Variants in MITF observed in about 807,000 individuals in gnomAD.
MITF encodes melanocyte inducing transcription factor.
A neutral mutation model predicts 60.5 loss-of-function variants in MITF; 17 were observed. The observed-to-expected ratio is 0.28, with a 90% CI of 0.19 to 0.42. The LOEUF (loss-of-function observed/expected upper bound fraction) is 0.42. MITF is among the 10% of genes least tolerant of loss of function. The pLI is 1.00. For synonymous variants in MITF, 260 were observed against 248.5 expected, an observed-to-expected ratio of 1.05 and a Z score of -0.43; for missense variants, 622 against 683.5, an observed-to-expected ratio of 0.91 and a Z score of 1.00.
In MITF at chr3:69,934,536, A is replaced by G. The variant is rs79725452; in HGVS notation, c.355-3286A>G. On this transcript the variant is annotated intron_variant, in intron 2 of 9. Coordinates refer to ENST00000352241, the MANE Select transcript of MITF (RefSeq NM_001354604.2). ...TGATCTCATTTAATGCAGAAAACAC[A>G]CATATGAGGCAAGCTCTACTGTCAT... is the stretch of plus-strand genomic sequence containing the variant. Among the ~76,000 whole-genome samples, 9 of 152,338 alleles carry G rather than the reference A, an allele frequency of 5.9e-5. No individual in the cohort carries two copies. The East Asian group carries it at 1.7e-3, about 29-fold the overall frequency.
chr3:69,763,595 C>G, intron 1 of MITF: 1 of 1,202,566 alleles, frequency 8.3e-7, no homozygotes, highest in Non-Finnish European at 1.0e-6. Flanking sequence ...TGCACGTAAG[C>G]GTGTGGCAGA....
chr3:69,760,834 AT>A (rs2062201266), intron 1 of MITF, among the ~76,000 whole-genome samples: 3 of 152,160 alleles, frequency 2.0e-5, no homozygotes, highest in Admixed American at 1.3e-4. Flanking sequence ...AAAGGTGATG[AT>A]TTTGACTTTT....
chr3:69,941,171 C>T (rs1168405693), intron 4 of MITF, 65 bp from the exon 5 acceptor site: 1 of 1,075,640 alleles, frequency 9.3e-7, no homozygotes, highest in East Asian at 2.4e-5. Flanking sequence ...CCATGAGTCT[C>T]TTTTTAGGTT....
chr3:69,866,508 C>G (rs1407699917), intron 1 of MITF, among the ~76,000 whole-genome samples: 3 of 115,684 alleles, frequency 2.6e-5, no homozygotes, highest in African/African-American at 6.8e-5. Context: ...GCTGTAACCT[C>G]TGGTAGGTGG....
At chr3:69,827,333 A>G (rs2063372265) in intron 1 of MITF, among the ~76,000 whole-genome samples, 1 of 152,246 alleles carries the variant, frequency 6.6e-6, no homozygotes. Flanking sequence ...TTGCTGCATT[A>G]ACAAAGGACT....
intron 1 of MITF, among the ~76,000 whole-genome samples, chr3:69,853,401 T>G (rs749345435): frequency 1.3e-5 from 2 of 152,198 alleles, no homozygotes; most frequent in Non-Finnish European, 2.9e-5. Context: ...ATCCATTTCT[T>G]TACTTCCCTA....
chr3:69,951,963 G>T (rs536224547), intron 7 of MITF, 77 bp downstream of exon 7: 1 of 1,081,984 alleles, frequency 9.2e-7, no homozygotes, highest in East Asian at 2.5e-5. Context: ...CAGAAATTCT[G>T]TAGAGGAGAG....
intron 6 of MITF, among the ~76,000 whole-genome samples, chr3:69,951,313 C>T (rs1047203465): frequency 6.6e-6 from 1 of 151,822 alleles, no homozygotes; most frequent in African/African-American, 2.4e-5. Context: ...CTCCTGGGCT[C>T]AAGTGATCTT....
At chr3:69,859,814 A>G (rs1397356687) in intron 1 of MITF, among the ~76,000 whole-genome samples, 1 of 152,030 alleles carries the variant, frequency 6.6e-6, no homozygotes, top group Non-Finnish European at 1.5e-5. Flanking sequence ...ATATGTCCAC[A>G]TTTTTCTTTT....
At chr3:69,786,596 T>C (rs918966905) in intron 1 of MITF, among the ~76,000 whole-genome samples, 4 of 152,174 alleles carry the variant, frequency 2.6e-5, no homozygotes, top group African/African-American at 9.7e-5. Context: ...CAAGTTCTTA[T>C]GGGTTGCACC....
intron 1 of MITF, among the ~76,000 whole-genome samples, chr3:69,847,143 A>G (rs908999360): frequency 6.6e-6 from 1 of 152,170 alleles, no homozygotes; most frequent in African/African-American, 2.4e-5. Flanking sequence ...GGACAGCGGG[A>G]AGCAGACTAA....
chr3:69,845,442 C>CTTTTTTTTTTTTTCTTTTT (rs2063714428), intron 1 of MITF, among the ~76,000 whole-genome samples: 1 of 136,810 alleles, frequency 7.3e-6, no homozygotes, highest in Non-Finnish European at 1.5e-5. Context: ...TTTTTTCTTT[C>CTTTTTTTTTTTTTCTTTTT]TTTTTTTTTT....
intron 2 of MITF, among the ~76,000 whole-genome samples, chr3:69,882,157 A>G (rs890359334): frequency 6.6e-6 from 1 of 152,166 alleles, no homozygotes; most frequent in Admixed American, 6.6e-5. Context: ...ATGAAGCTTT[A>G]TAAAGCATGT....
At chr3:69,905,716 T>G (rs1374906197) in intron 2 of MITF, among the ~76,000 whole-genome samples, 2 of 146,734 alleles carry the variant, frequency 1.4e-5, no homozygotes, top group African/African-American at 5.1e-5. Context: ...TCATTGTGTG[T>G]TTTTTTTTAA....
At chr3:69,919,889 A>C (rs1055762966) in intron 2 of MITF, among the ~76,000 whole-genome samples, 2 of 152,156 alleles carry the variant, frequency 1.3e-5, no homozygotes, top group African/African-American at 2.4e-5. Flanking sequence ...TGTGGGCAGC[A>C]AGCCACCCAG....
In MITF at chr3:69,965,285, C is replaced by A. The variant is rs764397351; in HGVS notation, c.*37C>A. 2 of 1,602,954 alleles carry A rather than the reference C, an allele frequency of 1.2e-6. No homozygotes were observed. The highest frequency in any genetic ancestry group is 1.7e-6 in the Non-Finnish European group (2 of 1,171,064). On this transcript the variant is annotated 3_prime_UTR_variant, in exon 10 of 10. Coordinates refer to ENST00000352241, the MANE Select transcript of MITF (RefSeq NM_001354604.2). ...TGCACTGCATTCGCACAAACTGCTT[C>A]CTTTCTTGATTCGTAGATTTAATAA...
chr3:69,930,152 C>A (rs1575987096), intron 2 of MITF, among the ~76,000 whole-genome samples: 1 of 152,028 alleles, frequency 6.6e-6, no homozygotes, highest in Admixed American at 6.6e-5. Context: ...CAAACGGTGC[C>A]GTCTCGTAGG....
At chr3:69,791,109 T>C (rs1288770326) in intron 1 of MITF, among the ~76,000 whole-genome samples, 1 of 152,236 alleles carries the variant, frequency 6.6e-6, no homozygotes, top group Non-Finnish European at 1.5e-5. Flanking sequence ...TCTTTTGCCA[T>C]TTTGCGTACA....
chr3:69,925,013 G>C (rs2065554377), intron 2 of MITF, among the ~76,000 whole-genome samples: 1 of 151,920 alleles, frequency 6.6e-6, no homozygotes, highest in African/African-American at 2.4e-5. Flanking sequence ...CCTTCTTGGT[G>C]GCTTTATATT....
Sources: allele counts gnomAD v4.1 joint callset (sites outside exome capture counted in the v4.1 genomes callset), GRCh38; gene constraint gnomAD v4.1.1; transcripts MANE v1.5; gene names NCBI Gene and HGNC (gene_info 2026-07-23, HGNC 2026-07-21).